The following ABLIM1 variants were observed in gnomAD, a reference collection of about 807,000 sequenced individuals.
The protein encoded by ABLIM1 is actin-binding LIM protein 1.
A neutral mutation model predicts 107.0 loss-of-function variants in ABLIM1; 40 were observed. The ratio of observed to expected loss-of-function variants is 0.37; its 90% CI spans 0.29 to 0.49. The LOEUF (loss-of-function observed/expected upper bound fraction) is 0.49, where lower values mean the gene tolerates loss of function less well. Ranked by LOEUF, ABLIM1 falls within the 20% of genes least tolerant of loss-of-function variation. The pLI is 0.97. For missense variants in ABLIM1, 857 were observed against 1,008.5 expected (o/e 0.85, Z 2.04); for synonymous variants, 357 against 357.3 (o/e 1.00, Z 0.01).
At chr10:114,578,406 G>GTT (rs1364900891) in intron 2 of ABLIM1, among the ~76,000 whole-genome samples, 22 of 135,872 alleles carry the variant, frequency 1.6e-4, no homozygotes, top group Non-Finnish European at 2.9e-4. Context: ...AACATTTTCT[G>GTT]TTGTTTTTTT....
chr10:114,658,378 C>A, upstream of ABLIM1: 1 of 1,243,450 alleles, frequency 8.0e-7, no homozygotes, highest in Non-Finnish European at 1.0e-6. Flanking sequence ...GCACCATATT[C>A]TCAGTCAGAT....
intron 1 of ABLIM1, among the ~76,000 whole-genome samples, chr10:114,709,556 A>T (rs1487424929): frequency 6.6e-6 from 1 of 152,240 alleles, no homozygotes; most frequent in East Asian, 1.9e-4. Flanking sequence ...CAGTGAGTAC[A>T]TTTGTGTATG....
chr10:114,719,904 T>A (rs1200754152), intron 1 of ABLIM1, among the ~76,000 whole-genome samples: 2 of 152,228 alleles, frequency 1.3e-5, no homozygotes, highest in Non-Finnish European at 2.9e-5. Flanking sequence ...TCTATGAGCA[T>A]AAACAATCCA....
At chr10:114,610,663 C>G (rs945148650) in intron 1 of ABLIM1, 1 of 152,208 alleles carries the variant, frequency 6.6e-6, no homozygotes, top group South Asian at 2.1e-4. Context: ...CAAGTGGCAG[C>G]TACTTGAAGC....
At position 114,707,854 on chromosome 10, in the gene ABLIM1, T is replaced by C. The variant is rs1411701391; in HGVS notation, c.-213+60207A>G. ...AGACAGAGGTTGCAGTGAGCGGAGA[T>C]TGCACCATTGCACTCTAGCCTGGGC... On this transcript the variant is annotated intron_variant, in intron 1 of 15. Transcript: ENST00000651092. The surrounding 1 kb of genome is among the most constrained non-coding windows in gnomAD (Gnocchi z 4.1). 6.6e-6 allele frequency among the ~76,000 whole-genome samples: 1 copy of C among 151,960 alleles called. No homozygotes were observed. The highest frequency in any genetic ancestry group is 2.4e-5 in the African/African-American group (1 of 41,372).
chr10:114,652,078 A>T (rs1245687944), intron 1 of ABLIM1, among the ~76,000 whole-genome samples: 1 of 152,138 alleles, frequency 6.6e-6, no homozygotes, highest in African/African-American at 2.4e-5. Context: ...TAGCTCAAAC[A>T]CTTCTCTCAA....
At chr10:114,759,798 G>C (rs1181914589) in intron 1 of ABLIM1, among the ~76,000 whole-genome samples, 1 of 152,200 alleles carries the variant, frequency 6.6e-6, no homozygotes, top group Admixed American at 6.5e-5. Context: ...AACACTACCA[G>C]TTAGAAAGGC....
intron 1 of ABLIM1, among the ~76,000 whole-genome samples, chr10:114,692,938 A>C (rs901947088): frequency 2.0e-5 from 3 of 152,318 alleles, no homozygotes; most frequent in African/African-American, 7.2e-5. Flanking sequence ...TAAATAAGTC[A>C]ACACCAAGGA....
At chr10:114,800,927 AAAAAG>A in the ABLIM1 span, among the ~76,000 whole-genome samples, 4 of 152,102 alleles carry the variant, frequency 2.6e-5, no homozygotes, top group Non-Finnish European at 5.9e-5. Context: ...AAAAACAAAA[AAAAAG>A]AAAAGAAAAG....
chr10:114,692,607 AC>A (rs1430018981), intron 1 of ABLIM1, among the ~76,000 whole-genome samples: 1 of 152,190 alleles, frequency 6.6e-6, no homozygotes, highest in East Asian at 1.9e-4. Context: ...GAGTAAAAAA[AC>A]GGGTCAGGAG....
Position 114,753,682 on chromosome 10 carries a change from C to G in ABLIM1, c.-213+14379G>C, listed in dbSNP as rs542482881. Among the ~76,000 whole-genome samples the G allele has an allele frequency of 3.7e-4, 56 of 152,210 alleles. No individual in the cohort carries two copies. The South Asian group carries it at 0.011, about 31-fold the overall frequency. ...TTCTACTTACATTGTATATTCATAACTTTTCTGTACATGGAATCTCCAGAA... is the reference window on the plus strand; with the variant it reads ...TTCTACTTACATTGTATATTCATAAGTTTTCTGTACATGGAATCTCCAGAA... On this transcript the variant is annotated intron_variant, in intron 1 of 15. Transcript: ENST00000651092.
intron 1 of ABLIM1, among the ~76,000 whole-genome samples, chr10:114,637,195 G>A (rs1394292013): frequency 3.3e-5 from 5 of 152,198 alleles, no homozygotes; most frequent in Non-Finnish European, 7.4e-5. Flanking sequence ...CAGCTTCTCC[G>A]GTGACTAAGG....
intron 1 of ABLIM1, among the ~76,000 whole-genome samples, chr10:114,733,257 G>A (rs1295335737): frequency 1.3e-5 from 2 of 152,104 alleles, no homozygotes; most frequent in East Asian, 3.9e-4. Context: ...AGAACAGAGG[G>A]AACAGAGTCC....
At chr10:114,792,785 C>A in the ABLIM1 span, among the ~76,000 whole-genome samples, 3 of 152,182 alleles carry the variant, frequency 2.0e-5, no homozygotes, top group Non-Finnish European at 4.4e-5. Flanking sequence ...CTATATTCAG[C>A]TGCTTTATCA....
chr10:114,720,933 G>A (rs2081830653), intron 1 of ABLIM1, among the ~76,000 whole-genome samples: 2 of 152,192 alleles, frequency 1.3e-5, no homozygotes, highest in South Asian at 4.1e-4. Flanking sequence ...ATTCCCAGCA[G>A]TGGCTTAGAA....
intron 1 of ABLIM1, among the ~76,000 whole-genome samples, chr10:114,653,884 C>T (rs2079370189): frequency 6.6e-6 from 1 of 152,204 alleles, no homozygotes; most frequent in Non-Finnish European, 1.5e-5. Flanking sequence ...ACAATTTCTT[C>T]CCTTGCAACA....
At chr10:114,497,773 G>C (rs1341759528) in intron 6 of ABLIM1, among the ~76,000 whole-genome samples, 1 of 151,418 alleles carries the variant, frequency 6.6e-6, no homozygotes, top group Non-Finnish European at 1.5e-5. Flanking sequence ...ACTGTGGCTA[G>C]CATGAAACTC....
chr10:114,554,990 GTAATATGTGTAATTAC>G (rs1565919083), intron 4 of ABLIM1, among the ~76,000 whole-genome samples: 2 of 152,074 alleles, frequency 1.3e-5, no homozygotes, highest in African/African-American at 4.8e-5. Context: ...CCCAGGCTGC[GTAATATGTGTAATTAC>G]CGAGCCGAAT....
At chr10:114,641,811 T>C (rs1795051156) in intron 1 of ABLIM1, among the ~76,000 whole-genome samples, 1 of 152,016 alleles carries the variant, frequency 6.6e-6, no homozygotes, top group South Asian at 2.1e-4. Context: ...GCAGGAGGCA[T>C]GAAGTTAGTG....
Sources: gnomAD v4.1 joint callset for allele counts (sites outside exome capture counted in the v4.1 genomes callset) on GRCh38, gnomAD v4.1.1 for gene constraint, Gnocchi (gnomAD v3.1) non-coding constraint, MANE v1.5 for transcripts, NCBI Gene and HGNC (gene_info 2026-07-23, HGNC 2026-07-21) for gene names.